MCM3AP: variants seen among roughly 807,000 people sequenced by gnomAD.
The protein encoded by MCM3AP is germinal-center associated nuclear protein.
Under a neutral mutation model 184.1 loss-of-function variants are expected in MCM3AP, and 126 were observed. The observed-to-expected ratio is 0.68, with a 90% confidence interval of 0.59 to 0.79. MCM3AP has a LOEUF of 0.79. Among genes scored for constraint, MCM3AP ranks in the 30% least tolerant of loss-of-function variants. MCM3AP has a pLI of 0.00. For synonymous variants in MCM3AP, 1,002 were observed against 979.3 expected (o/e 1.02, Z -0.43); for missense variants, 2,496 against 2,479.2 (o/e 1.01, Z -0.14).
Position 46,265,450 on chromosome 21 carries a change from G to A in MCM3AP, c.3105C>T (p.Ala1035=). The change falls in exon 12 of 28, where the codon GCC becomes GCT. Residue 1035 remains alanine, a synonymous_variant. Coordinates refer to ENST00000291688, the MANE Select transcript of MCM3AP (RefSeq NM_003906.5). ...PLSSLPQSLP[A]PAPSPVPLPP... Reference sequence around the variant, plus strand: ...GCAGAGGCACTGGTGAGGGCGCAGGGGCTGGTAGAGACTGTGGGAGACTGG... The same window carrying A: ...GCAGAGGCACTGGTGAGGGCGCAGGAGCTGGTAGAGACTGTGGGAGACTGG... 6.2e-7 allele frequency: 1 copy of A among 1,613,940 alleles called. No homozygotes were observed. The highest frequency in any genetic ancestry group is 1.7e-5 in the Admixed American group (1 of 60,012).
rs2080714030 is a variant in MCM3AP, at chr21:46,243,637, G to T, written c.5124C>A (p.Ser1708=). 6 of 1,614,182 alleles carry T rather than the reference G, an allele frequency of 3.7e-6. No individual in the cohort carries two copies. The highest frequency in any genetic ancestry group is 1.3e-5 in the African/African-American group (1 of 75,058). ...SSRQTQPVLQ[S]QVENLLHRTY... The stretch of plus-strand genomic sequence containing the variant: ...TTCTGTGGAGCAGGTTCTCCACCTG[G>T]GACTGGAGGACAGGCTGTGTCTGGC... The change falls in exon 24 of 28, where the codon TCC becomes TCA. Residue 1708 remains serine (S), a synonymous_variant. Transcript: ENST00000291688.
Position 46,236,817 on chromosome 21 carries a change from C to A in MCM3AP, c.5784+12G>T, listed in dbSNP as rs561607165. ...TTCTTATGTAAATGCCAAATGTATA[C>A]GTTCTTCTCACCTGTGGGCTAGTAG... is the stretch of plus-strand genomic sequence containing the variant. On this transcript the variant is annotated intron_variant, in intron 27 of 27. Coordinates refer to ENST00000291688, the MANE Select transcript of MCM3AP (RefSeq NM_003906.5). 2.0e-6 allele frequency: 3 copies of A among 1,526,318 alleles called. No homozygotes were observed. Among genetic ancestry groups the A allele is most frequent in the Non-Finnish European group, 2.6e-6 (3 of 1,143,010 alleles). 94.5% of individuals were successfully genotyped at this position (1,526,318 alleles called of 1,614,324 possible).
At chr21:46,236,247 GCA>G (rs1428350539) in intron 27 of MCM3AP, 3 of 152,222 alleles carry the variant, frequency 2.0e-5, no homozygotes, top group Non-Finnish European at 4.4e-5. Flanking sequence ...CAGTCCAGGA[GCA>G]CAGTTTTTAC....
chr21:46,245,639 A>C (rs1240904023), intron 22 of MCM3AP, among the ~76,000 whole-genome samples: 1 of 151,930 alleles, frequency 6.6e-6, no homozygotes, highest in Non-Finnish European at 1.5e-5. Context: ...TCTTTCTCTA[A>C]ATTGTTAGCA....
At chr21:46,240,691 C>T in intron 26 of MCM3AP, 120 bp downstream of exon 26, 2 of 839,850 alleles carry the variant, frequency 2.4e-6, no homozygotes, top group Non-Finnish European at 3.8e-6. Flanking sequence ...AAAACTGTTG[C>T]TAATAATCCA....
At chr21:46,235,487 T>G in intron 27 of MCM3AP, 61 bp from the exon 28 acceptor site, 1 of 1,427,248 alleles carries the variant, frequency 7.0e-7, no homozygotes, top group Non-Finnish European at 9.8e-7. Flanking sequence ...GACCTATCTC[T>G]GGGAAGGTAC....
intron 7 of MCM3AP, 49 bp from the exon 8 acceptor site, chr21:46,272,878 G>A (rs1443944400): frequency 6.6e-7 from 1 of 1,509,780 alleles, no homozygotes; most frequent in Non-Finnish European, 8.9e-7. Context: ...CATGCAAAGA[G>A]GCAACCGTGA....
At chr21:46,240,321 C>T (rs2080637268) in intron 26 of MCM3AP, among the ~76,000 whole-genome samples, 1 of 152,090 alleles carries the variant, frequency 6.6e-6, no homozygotes, top group Admixed American at 6.5e-5. Flanking sequence ...TCCCTTATTC[C>T]TGATTCTACT....
In MCM3AP at chr21:46,259,071, T is replaced by C; in HGVS notation, c.3602A>G (p.Gln1201Arg). Residue 1201 changes from glutamine to arginine, a missense_variant, in exon 16 of 28, where the codon CAG becomes CGG. Physicochemically the swap from Gln to Arg is conservative, Grantham distance 43. Transcript: ENST00000291688. The stretch of plus-strand genomic sequence containing the variant: ...ACAGCAACGGGCCACACGGACCCTC[T>C]GGTCTGTCTCTACTGCATTCCTAGA... ...QELKNAVETD[Q>R]RVRVARCCED... 1 of 1,613,438 alleles carries C rather than the reference T, an allele frequency of 6.2e-7. No homozygotes were observed. The highest frequency in any genetic ancestry group is 8.5e-7 in the Non-Finnish European group (1 of 1,179,734).
At chr21:46,251,731 A>C in intron 19 of MCM3AP, 49 bp from the exon 20 acceptor site, 1 of 1,180,884 alleles carries the variant, frequency 8.5e-7, no homozygotes, top group Non-Finnish European at 1.2e-6. Context: ...TGAAGAATCT[A>C]ATTCTATATT....
intron 7 of MCM3AP, 24 bp downstream of exon 7, chr21:46,273,364 A>T: frequency 6.2e-7 from 1 of 1,604,178 alleles, no homozygotes. Flanking sequence ...ATTTTTTAGC[A>T]TCCAGGTTGG....
At position 46,265,980 on chromosome 21, in the gene MCM3AP, C is replaced by A; in HGVS notation, c.2976G>T (p.Glu992Asp). The change falls in exon 11 of 28, where the codon GAG (glutamate) becomes GAT (aspartate). Residue 992 changes from glutamate to aspartate, a missense_variant. Physicochemically the swap from Glu to Asp is conservative, Grantham distance 45. This residue lies in a region of MCM3AP where 1,323 missense variants were observed against 1,273.4 expected (regional missense o/e 1.04). Coordinates refer to ENST00000291688, the MANE Select transcript of MCM3AP (RefSeq NM_003906.5). ...TGACGGGCAGCTCCGCGGCCAGGCT[C>A]TCCCCGATGTACTTGTTCTGGGAGT... is the stretch of plus-strand genomic sequence containing the variant. ...SFNSQNKYIG[E>D]SLAAELPVST... is the part of the protein sequence containing the mutation. The A allele has an allele frequency of 1.2e-6, 2 of 1,605,814 alleles. No homozygotes were observed. The highest frequency in any genetic ancestry group is 1.7e-6 in the Non-Finnish European group (2 of 1,175,376).
Position 46,285,193 on chromosome 21 carries a change from G to A in MCM3AP, c.94C>T (p.Arg32Ter), listed in dbSNP as rs1413951262. 6.2e-7 allele frequency: 1 copy of A among 1,614,244 alleles called. No homozygotes were observed. The change falls in exon 1 of 28, where the codon CGA becomes TGA. Residue 32 changes from arginine to a stop codon, truncating the protein, a stop_gained. Coordinates refer to ENST00000291688, the MANE Select transcript of MCM3AP (RefSeq NM_003906.5). LOFTEE classifies it high-confidence loss of function. ...CCAAAAAGAGAAGGTTGACCAAATC[G>A]AAATGGCGGCTTAGATGGAAGTGTT... ...VGTLPSKPPFRFGQPSLFGQN... is the reference protein window; with the variant it reads ...VGTLPSKPPF
At position 46,264,146 on chromosome 21, in the gene MCM3AP, C is replaced by T. The variant is rs769529560; in HGVS notation, c.3306G>A (p.Ala1102=). The T allele has an allele frequency of 5.6e-6, 9 of 1,613,906 alleles. No homozygotes were observed. Among genetic ancestry groups the T allele is most frequent in the East Asian group, 2.2e-5 (1 of 44,882 alleles). Residue 1102 remains alanine, a synonymous_variant, in exon 13 of 28, where the codon GCG becomes GCA. Transcript: ENST00000291688. The stretch of plus-strand genomic sequence containing the variant: ...GGGCGGCAGCTGCGTAGGCAGCACC[C>T]GCAGAGCCAACTTCCTCACAGTCCC... ...LQRDCEEVGS[A]GAAYAAAALG...
At chr21:46,268,979 G>A (rs892828647) in intron 9 of MCM3AP, among the ~76,000 whole-genome samples, 6 of 151,972 alleles carry the variant, frequency 3.9e-5, no homozygotes, top group South Asian at 2.1e-4. Flanking sequence ...CAGAAGTTGC[G>A]GTGAGCAGAG....
intron 1 of MCM3AP, 101 bp from the exon 2 acceptor site, chr21:46,283,939 C>A (rs974550689): frequency 1.9e-6 from 3 of 1,543,458 alleles, no homozygotes; most frequent in Non-Finnish European, 2.6e-6. Flanking sequence ...GTAAGACCTG[C>A]TCCGATGACA....
chr21:46,277,256 C>T (rs772725331), intron 5 of MCM3AP, among the ~76,000 whole-genome samples: 11 of 152,272 alleles, frequency 7.2e-5, no homozygotes, highest in Admixed American at 5.2e-4. Flanking sequence ...CTCGGAATCC[C>T]GCTCCCTCTA....
intron 21 of MCM3AP, 100 bp downstream of exon 21, chr21:46,246,528 G>C: frequency 6.5e-7 from 1 of 1,528,086 alleles, no homozygotes; most frequent in Non-Finnish European, 9.1e-7. Flanking sequence ...TGCTGTCTCA[G>C]TGATTCCTGA....
chr21:46,264,434 G>A (rs1443339656), intron 12 of MCM3AP, among the ~76,000 whole-genome samples: 2 of 152,170 alleles, frequency 1.3e-5, no homozygotes, highest in Admixed American at 1.3e-4. Context: ...ACAGCGCCCT[G>A]GCCTAGCCAT....
Sources: gnomAD v4.1 joint callset for allele counts (sites outside exome capture counted in the v4.1 genomes callset) on GRCh38, gnomAD v4.1.1 for gene constraint, gnomAD v4.1.1 regional missense constraint, MANE v1.5 for transcripts, NCBI Gene and HGNC (gene_info 2026-07-23, HGNC 2026-07-21) for gene names.